Variants in ATP13A4 observed in about 807,000 individuals in gnomAD.
The protein encoded by ATP13A4 is probable cation-transporting ATPase 13A4.
In ATP13A4, 114 loss-of-function variants were observed where a neutral mutation model predicts 142.5. The ratio of observed to expected loss-of-function variants is 0.80; its 90% CI spans 0.69 to 0.93. The LOEUF (loss-of-function observed/expected upper bound fraction) is 0.93. Among genes scored for constraint, ATP13A4 ranks in the 40% least tolerant of loss-of-function variants. The probability of loss-of-function intolerance (pLI) is 0.00; values close to 1 mark genes in which losing one functional copy is unlikely to be tolerated. For missense variants in ATP13A4, 1,392 were observed against 1,454.0 expected (o/e 0.96, Z 0.69); for synonymous variants, 488 against 514.8 (o/e 0.95, Z 0.70).
intron 9 of ATP13A4, among the ~76,000 whole-genome samples, chr3:193,467,901 G>T (rs567969047): frequency 6.6e-6 from 1 of 152,132 alleles, no homozygotes; most frequent in South Asian, 2.1e-4. Flanking sequence ...CTGGTGGGCT[G>T]GGCACAGTGG....
intron 1 of ATP13A4, among the ~76,000 whole-genome samples, chr3:193,587,740 T>A (rs940972469): frequency 2.0e-5 from 3 of 152,246 alleles, no homozygotes; most frequent in Non-Finnish European, 4.4e-5. Flanking sequence ...TTACATTTCT[T>A]GTTCTTGCAT....
intron 1 of ATP13A4, among the ~76,000 whole-genome samples, chr3:193,550,356 G>T (rs1577074059): frequency 6.6e-6 from 1 of 150,400 alleles, no homozygotes; most frequent in African/African-American, 2.5e-5. Flanking sequence ...CCCCAGGCTG[G>T]AGTGCACTGA....
At chr3:193,453,674 T>C (rs1474141000) in intron 17 of ATP13A4, among the ~76,000 whole-genome samples, 1 of 152,214 alleles carries the variant, frequency 6.6e-6, no homozygotes, top group Non-Finnish European at 1.5e-5. Flanking sequence ...TTAAGCTGTG[T>C]ATTTCCAATC....
At chr3:193,408,501 G>A (rs1423849030) in intron 28 of ATP13A4, among the ~76,000 whole-genome samples, 1 of 152,192 alleles carries the variant, frequency 6.6e-6, no homozygotes, top group Non-Finnish European at 1.5e-5. Flanking sequence ...GAAGCAAGGT[G>A]CAGGACAATG....
chr3:193,576,340 C>T (rs1334850500), intron 2 of ATP13A4, among the ~76,000 whole-genome samples: 3 of 131,154 alleles, frequency 2.3e-5, no homozygotes, highest in Non-Finnish European at 4.7e-5. Flanking sequence ...GGTGCAATCT[C>T]GGCTCACTGC....
chr3:193,472,906 T>A (rs1184785734), intron 8 of ATP13A4, among the ~76,000 whole-genome samples: 1 of 152,344 alleles, frequency 6.6e-6, no homozygotes, highest in East Asian at 1.9e-4. Flanking sequence ...CCTGTGATAG[T>A]AGATTCCAAT....
intron 24 of ATP13A4, 111 bp from the exon 25 acceptor site, chr3:193,434,028 G>A (rs1418599504): frequency 5.5e-6 from 5 of 903,054 alleles, no homozygotes; most frequent in Non-Finnish European, 9.0e-6. Flanking sequence ...GTAAATTACT[G>A]TGGAGATGCT....
chr3:193,582,684 A>T lies in ATP13A4; in HGVS notation n.92-778T>A, dbSNP rs1298852897. On this transcript the variant is annotated intron_variant and non_coding_transcript_variant, in intron 1 of 3. Transcript: ENST00000489140. ...TATATATGTATATTACATATATATTATATATGTGTATAACATATATAATAT... is the reference window on the plus strand; with the variant it reads ...TATATATGTATATTACATATATATTTTATATGTGTATAACATATATAATAT... Among the ~76,000 whole-genome samples the T allele has an allele frequency of 5.8e-5, 4 of 68,982 alleles. 1 individual carries two copies. Among genetic ancestry groups the T allele is most frequent in the Non-Finnish European group, 5.0e-5 (2 of 39,936 alleles). The allele number at this position is 68,982 out of a possible 152,430, so 45.3% of individuals were successfully genotyped here. A position where few individuals can be genotyped will look rare whatever the true frequency, so the allele number is the denominator to read the frequency against.
rs184553177 is a variant in ATP13A4 at position 193,429,931 on chromosome 3, T to C, written c.2842+3914A>G. ...TTAGCTCTGGATAGTAAGATAAAAA[T>C]AGGTTTTTCTCTGTTATATCTTGAA... On this transcript the variant is annotated intron_variant, in intron 25 of 29. Transcript: ENST00000342695. 1.9e-3 allele frequency among the ~76,000 whole-genome samples: 286 copies of C among 152,198 alleles called. 2 individuals carry two copies. Among genetic ancestry groups the C allele is most frequent in the Non-Finnish European group, 3.5e-4 (24 of 67,954 alleles).
chr3:193,429,419 A>G (rs751817523), intron 25 of ATP13A4, among the ~76,000 whole-genome samples: 34 of 152,286 alleles, frequency 2.2e-4, no homozygotes, highest in Middle Eastern at 3.4e-3. Context: ...ATAAATGGAT[A>G]GATAAAATGT....
Position 193,412,163 on chromosome 3 carries a change from TA to T in ATP13A4, c.3208+14del. Reference sequence around the variant, plus strand: ...TGATGACTTCTCACCTCTGATGCAGTACAGTTCTACTCACAGTTTGTATAAG... The same window carrying T: ...TGATGACTTCTCACCTCTGATGCAGTCAGTTCTACTCACAGTTTGTATAAG... On this transcript the variant is annotated intron_variant, in intron 27 of 29. Transcript: ENST00000342695. The T allele has an allele frequency of 6.3e-7, 1 of 1,583,472 alleles. No individual in the cohort carries two copies. Among genetic ancestry groups the T allele is most frequent in the Middle Eastern group, 1.7e-4 (1 of 6,024 alleles).
chr3:193,504,783 G>C (rs75509130), intron 2 of ATP13A4, among the ~76,000 whole-genome samples: 2,371 of 152,188 alleles, frequency 0.016, 39 homozygotes, highest in East Asian at 0.07. Context: ...AATTATAAAA[G>C]AGCCATCAAG....
At position 193,437,111 on chromosome 3, in the gene ATP13A4, A is replaced by AAAAAAC. The variant is rs1405968773; in HGVS notation, c.2672+1363_2672+1364insGTTTTT. Reference sequence around the variant, plus strand: ...AGAGTGAGACTCCGTCTCAAAAAAAAAAAAAAAAAAACCTGATCCTCAAAC... The same window carrying AAAAAAC: ...AGAGTGAGACTCCGTCTCAAAAAAAAAAAAACAAAAAAAAAAACCTGATCCTCAAAC... On this transcript the variant is annotated intron_variant, in intron 23 of 29. Coordinates refer to ENST00000342695, the MANE Select transcript of ATP13A4 (RefSeq NM_032279.4). Among the ~76,000 whole-genome samples, 36 of 151,560 alleles carry AAAAAAC rather than the reference A, an allele frequency of 2.4e-4. 2 individuals carry two copies. The highest frequency in any genetic ancestry group is 8.2e-4 in the African/African-American group (34 of 41,324).
chr3:193,532,892 A>T (rs1459195980), intron 1 of ATP13A4, among the ~76,000 whole-genome samples: 1 of 152,172 alleles, frequency 6.6e-6, no homozygotes, highest in African/African-American at 2.4e-5. Flanking sequence ...AATAAATTTT[A>T]ATGGCATAAG....
Position 193,492,928 on chromosome 3 carries a change from T to C in ATP13A4, c.522A>G (p.Glu174=), listed in dbSNP as rs748191221. The part of the protein sequence containing the change: ...QKFGSGLTRE[E]QEIRRLICGP... ...AATATGCATGGTACCTAATCTCCTG[T>C]TCTTCTCTTGTCAAGCCTGATCCAA... Residue 174 remains glutamate, a synonymous_variant, in exon 5 of 30, where the codon GAA becomes GAG. Transcript: ENST00000342695. 9.3e-6 allele frequency: 15 copies of C among 1,607,062 alleles called. No homozygotes were observed. In the African/African-American group the frequency reaches 2.0e-4, roughly 22 times the overall value.
At chr3:193,417,875 C>G in intron 25 of ATP13A4, among the ~76,000 whole-genome samples, 1 of 148,424 alleles carries the variant, frequency 6.7e-6, no homozygotes, top group African/African-American at 2.5e-5. Flanking sequence ...GTAATCCCAG[C>G]ACTTTGGGAG....
intron 24 of ATP13A4, 127 bp from the exon 25 acceptor site, chr3:193,434,044 C>T (rs576528553): frequency 3.3e-4 from 264 of 808,828 alleles, no homozygotes; most frequent in Middle Eastern, 2.8e-3. Flanking sequence ...ATGCTGTGTT[C>T]GGGGCCTGGT....
chr3:193,467,341 G>T lies in ATP13A4; in HGVS notation c.1089C>A (p.Thr363=), dbSNP rs148851166. Reference sequence around the variant, plus strand: ...CAGTCTGCAGTACCACGGCTCTCACGGTCCCAGAGCAAGCTGCCTTGGCCT... The same window carrying T: ...CAGTCTGCAGTACCACGGCTCTCACTGTCCCAGAGCAAGCTGCCTTGGCCT... ...VIQAKAACSG[T]VRAVVLQTGF... The change falls in exon 10 of 30, where the codon ACC becomes ACA. Residue 363 remains threonine, a synonymous_variant. Transcript: ENST00000342695. 3.7e-6 allele frequency: 6 copies of T among 1,614,004 alleles called. 1 individual carries two copies. In the South Asian group the frequency reaches 4.4e-5, roughly 12 times the overall value.
chr3:193,482,519 T>G (rs2108657475), intron 8 of ATP13A4, among the ~76,000 whole-genome samples: 1 of 152,340 alleles, frequency 6.6e-6, no homozygotes, highest in Middle Eastern at 3.4e-3. Flanking sequence ...ATCATTTATC[T>G]GATAAAGGAC....
Sources: gnomAD v4.1 joint callset for allele counts (sites outside exome capture counted in the v4.1 genomes callset) on GRCh38, gnomAD v4.1.1 for gene constraint, MANE v1.5 for transcripts, NCBI Gene and HGNC (gene_info 2026-07-23, HGNC 2026-07-21) for gene names.